Variants in KATNIP observed in about 807,000 individuals in gnomAD.
The protein encoded by KATNIP is katanin interacting protein.
KATNIP carries 126 observed loss-of-function variants against 174.0 expected under a neutral mutation model. The ratio of observed to expected loss-of-function variants is 0.72; its 90% CI spans 0.63 to 0.84. KATNIP has a LOEUF of 0.84. Among genes scored for constraint, KATNIP ranks in the 40% least tolerant of loss-of-function variants. The probability of loss-of-function intolerance (pLI) is 0.00; values close to 1 mark genes in which losing one functional copy is unlikely to be tolerated. For synonymous variants in KATNIP, 810 were observed against 835.7 expected, an observed-to-expected ratio of 0.97 and a Z score of 0.53; for missense variants, 1,958 against 2,109.7, an observed-to-expected ratio of 0.93 and a Z score of 1.41.
At chr16:27,605,035 TCTC>T (rs1253307526) in intron 2 of KATNIP, among the ~76,000 whole-genome samples, 1 of 151,948 alleles carries the variant, frequency 6.6e-6, no homozygotes, top group Admixed American at 6.6e-5. Flanking sequence ...TTCAAGCAAT[TCTC>T]CTGCCTCAGC....
intron 6 of KATNIP, among the ~76,000 whole-genome samples, chr16:27,661,937 T>TATATATACACATAC (rs2077497762): frequency 3.1e-5 from 2 of 63,930 alleles, no homozygotes; most frequent in African/African-American, 1.4e-4. Context: ...TATATATATA[T>TATATATACACATAC]ATATATATAT....
intron 5 of KATNIP, among the ~76,000 whole-genome samples, chr16:27,635,662 A>G (rs2076612655): frequency 6.6e-6 from 1 of 151,646 alleles, no homozygotes; most frequent in South Asian, 2.1e-4. Flanking sequence ...GGCTGTGAAG[A>G]CATGGGGACT....
At chr16:27,675,444 G>A (rs1796488721) in intron 6 of KATNIP, among the ~76,000 whole-genome samples, 1 of 152,118 alleles carries the variant, frequency 6.6e-6, no homozygotes, top group African/African-American at 2.4e-5. Context: ...CCATTTAAAA[G>A]AAGGGTAAAT....
chr16:27,562,861 C>T (rs2089941739), intron 1 of KATNIP, among the ~76,000 whole-genome samples: 1 of 152,220 alleles, frequency 6.6e-6, no homozygotes, highest in African/African-American at 2.4e-5. Context: ...ATTAAACTGA[C>T]TTTGTCATAT....
chr16:27,597,460 T>C (rs2075375302), intron 2 of KATNIP, among the ~76,000 whole-genome samples: 1 of 150,758 alleles, frequency 6.6e-6, no homozygotes, highest in Non-Finnish European at 1.5e-5. Context: ...CTGAATGTAC[T>C]GTTTTGCAAC....
At chr16:27,721,037 C>T (rs530476114) in intron 13 of KATNIP, among the ~76,000 whole-genome samples, 1 of 152,316 alleles carries the variant, frequency 6.6e-6, no homozygotes, top group Non-Finnish European at 1.5e-5. Flanking sequence ...AGCTTGGAAA[C>T]CCTGAAAGGA....
chr16:27,708,219 C>T (rs1162888799), intron 12 of KATNIP, among the ~76,000 whole-genome samples: 1 of 151,700 alleles, frequency 6.6e-6, no homozygotes, highest in Non-Finnish European at 1.5e-5. Context: ...GACAGGATCT[C>T]ACTTTGTTGC....
rs35339029 is a variant in KATNIP, at chr16:27,609,378, C to CTTTT, written c.64-9020_64-9017dup. Among the ~76,000 whole-genome samples, 11 of 55,634 alleles carry CTTTT rather than the reference C, an allele frequency of 2.0e-4. 1 individual carries two copies. Among genetic ancestry groups the CTTTT allele is most frequent in the African/African-American group, 2.5e-4 (3 of 12,238 alleles). 36.5% of individuals were successfully genotyped at this position (55,634 alleles called of 152,430 possible). On this transcript the variant is annotated intron_variant, in intron 2 of 27. Coordinates refer to ENST00000261588, the MANE Select transcript of KATNIP (RefSeq NM_015202.5). ...TGAGAAGGGAATATCTGAGTTAAGT[C>CTTTT]TTTTTTTTTTTTTTTTTTTTTTTTT...
intron 6 of KATNIP, chr16:27,654,862 G>T: frequency 2.5e-6 from 2 of 813,114 alleles, no homozygotes; most frequent in Non-Finnish European, 3.5e-6. Context: ...GGGCACGGTG[G>T]CTTATACCTG....
In KATNIP at chr16:27,778,743, T is replaced by C. The variant is rs1027344640; in HGVS notation, c.*114T>C. 1.7e-5 allele frequency: 18 copies of C among 1,028,948 alleles called. No homozygotes were observed. Among genetic ancestry groups the C allele is most frequent in the Non-Finnish European group, 2.5e-5 (17 of 693,646 alleles). 63.7% of individuals were successfully genotyped at this position (1,028,948 alleles called of 1,614,324 possible). On this transcript the variant is annotated 3_prime_UTR_variant, in exon 28 of 28. Transcript: ENST00000261588. ...AGGAGCTGGAAGCGAACCACAGTGT[T>C]GAGGGGAGCCCGCTGGGAAGAGGGG...
Position 27,776,760 on chromosome 16 carries a change from A to G in KATNIP, c.4450-168A>G, listed in dbSNP as rs960717817. On this transcript the variant is annotated intron_variant, in intron 24 of 27. Coordinates refer to ENST00000261588, the MANE Select transcript of KATNIP (RefSeq NM_015202.5). This position sits in a 1 kb window ranked among gnomAD's most constrained non-coding sequence, Gnocchi z 4.7. Reference sequence around the variant, plus strand: ...AATGCAGCCACACGTGACCTGACTCAAGATGGGCTTCGAGGAGATGAAAGG... The same window carrying G: ...AATGCAGCCACACGTGACCTGACTCGAGATGGGCTTCGAGGAGATGAAAGG... The G allele has an allele frequency of 3.4e-5, 21 of 622,384 alleles. No homozygotes were observed. The highest frequency in any genetic ancestry group is 5.8e-5 in the Non-Finnish European group (20 of 345,798). 38.6% of individuals were successfully genotyped at this position (622,384 alleles called of 1,614,324 possible).
At chr16:27,552,940 C>G (rs146862312) in intron 1 of KATNIP, among the ~76,000 whole-genome samples, 339 of 151,634 alleles carry the variant, frequency 2.2e-3, no homozygotes, top group African/African-American at 8.0e-3. Context: ...GTGATCCGCC[C>G]GCCTTGGCCT....
At chr16:27,681,602 G>GGA in intron 8 of KATNIP, 72 bp downstream of exon 8, 1 of 1,567,274 alleles carries the variant, frequency 6.4e-7, no homozygotes, top group Non-Finnish European at 8.8e-7. Flanking sequence ...TGCCATGATG[G>GGA]GAGGCCGCAC....
intron 14 of KATNIP, among the ~76,000 whole-genome samples, chr16:27,729,123 A>G (rs577865502): frequency 8.9e-4 from 135 of 152,212 alleles, no homozygotes; most frequent in Non-Finnish European, 1.6e-3. Flanking sequence ...ATCACACAAT[A>G]GAAGTCTTTG....
chr16:27,672,545 C>T (rs1196960887), intron 6 of KATNIP, among the ~76,000 whole-genome samples: 1 of 152,214 alleles, frequency 6.6e-6, no homozygotes, highest in Non-Finnish European at 1.5e-5. Context: ...TAGCACAGCA[C>T]CTAAGCACAT....
intron 1 of KATNIP, among the ~76,000 whole-genome samples, chr16:27,570,245 T>A (rs1406742373): frequency 6.6e-6 from 1 of 152,050 alleles, no homozygotes; most frequent in Non-Finnish European, 1.5e-5. Flanking sequence ...TTCCATTTTG[T>A]GGAGGAAGAA....
intron 5 of KATNIP, among the ~76,000 whole-genome samples, chr16:27,642,363 G>A (rs1322875655): frequency 6.6e-6 from 1 of 152,204 alleles, no homozygotes; most frequent in East Asian, 1.9e-4. Context: ...ATTGAACAAT[G>A]AGAACACATG....
intron 3 of KATNIP, among the ~76,000 whole-genome samples, chr16:27,620,814 A>T (rs2076173485): frequency 6.6e-6 from 1 of 152,222 alleles, no homozygotes; most frequent in Admixed American, 6.5e-5. Context: ...AAGCAGGGCA[A>T]CATTTTTCTT....
At chr16:27,723,318 AT>A (rs2080311818) in intron 14 of KATNIP, among the ~76,000 whole-genome samples, 1 of 152,094 alleles carries the variant, frequency 6.6e-6, no homozygotes, top group African/African-American at 2.4e-5. Context: ...TCTTGTCAGA[AT>A]GCAGGCTGCC....
Sources: gnomAD v4.1 joint callset for allele counts (sites outside exome capture counted in the v4.1 genomes callset) on GRCh38, gnomAD v4.1.1 for gene constraint, Gnocchi (gnomAD v3.1) non-coding constraint, MANE v1.5 for transcripts, NCBI Gene and HGNC (gene_info 2026-07-23, HGNC 2026-07-21) for gene names.